Variants in USP21 observed in about 807,000 individuals in gnomAD.
USP21 encodes ubiquitin carboxyl-terminal hydrolase 21.
USP21 carries 37 observed loss-of-function variants against 70.8 expected under a neutral mutation model. The ratio of observed to expected loss-of-function variants is 0.52; its 90% CI spans 0.40 to 0.69. The LOEUF (loss-of-function observed/expected upper bound fraction) is 0.69. Among genes scored for constraint, USP21 ranks in the 30% least tolerant of loss-of-function variants. The pLI is 0.00. For synonymous variants in USP21, 263 were observed against 283.1 expected (o/e 0.93, Z 0.71); for missense variants, 584 against 740.8 (o/e 0.79, Z 2.46).
Position 161,164,372 on chromosome 1 carries a change from T to TG in USP21, c.1305+124dup. On this transcript the variant is annotated intron_variant, in intron 10 of 13. Coordinates refer to ENST00000368002, the MANE Select transcript of USP21 (RefSeq NM_001014443.3). The surrounding 1 kb of genome is among the most constrained non-coding windows in gnomAD (Gnocchi z 4.2). ...AATATTTATGTATCTGGGTTTGTGT[T>TG]GGAGTCTCAGATCTGTTCTAGTACT... 7.5e-7 allele frequency: 1 copy of TG among 1,326,156 alleles called. No individual in the cohort carries two copies. The highest frequency in any genetic ancestry group is 1.2e-5 in the South Asian group (1 of 81,804). The allele number at this position is 1,326,156 out of a possible 1,614,324, so 82.1% of individuals were successfully genotyped here.
intron 8 of USP21, 53 bp from the exon 9 acceptor site, chr1:161,163,825 A>C: frequency 6.6e-7 from 1 of 1,514,012 alleles, no homozygotes; most frequent in Non-Finnish European, 9.2e-7. Flanking sequence ...CCAAGAAATC[A>C]TCTCATAACA....
At chr1:161,165,329 A>G (rs1276714852) in intron 13 of USP21, 28 bp from the exon 14 acceptor site, 2 of 1,603,018 alleles carry the variant, frequency 1.2e-6, no homozygotes, top group Non-Finnish European at 8.5e-7. Flanking sequence ...AATGACCACA[A>G]CCCTTTCCCG....
In USP21 at chr1:161,162,729, G is replaced by A; in HGVS notation, c.893+3G>A. On this transcript the variant is annotated splice_donor_region_variant and intron_variant, in intron 6 of 13. Coordinates refer to ENST00000368002, the MANE Select transcript of USP21 (RefSeq NM_001014443.3). The surrounding 1 kb of genome is among the most constrained non-coding windows in gnomAD (Gnocchi z 4.1). ...GTTCCCTCCTTCTCTGGATACAGGT[G>A]GGAGAGCTGGAGGCTATGGGATTTC... The A allele has an allele frequency of 6.2e-7, 1 of 1,609,382 alleles. No individual in the cohort carries two copies. Among genetic ancestry groups the A allele is most frequent in the Non-Finnish European group, 8.5e-7 (1 of 1,175,680 alleles).
Position 161,162,919 on chromosome 1 carries a change from C to G in USP21, c.894C>G (p.Ser298Arg). The change falls in exon 7 of 14, where the codon AGC (serine) becomes AGG (arginine). Residue 298 changes from serine to arginine, a missense_variant and splice_region_variant. Physicochemically the swap from Ser to Arg is moderately radical, Grantham distance 110 (BLOSUM62 -1). Coordinates refer to ENST00000368002, the MANE Select transcript of USP21 (RefSeq NM_001014443.3). This position sits in a 1 kb window ranked among gnomAD's most constrained non-coding sequence, Gnocchi z 4.1. ...GCCCATACTCTTTGTCTGGCTGTAG[C>G]CAGCAGGATGCCCAAGAGTTCCTGA... Reference protein sequence around the residue: ...QKYVPSFSGYSQQDAQEFLKL... With the variant: ...QKYVPSFSGYRQQDAQEFLKL... 1 of 1,607,828 alleles carries G rather than the reference C, an allele frequency of 6.2e-7. No individual in the cohort carries two copies. The highest frequency in any genetic ancestry group is 1.1e-5 in the South Asian group (1 of 90,578).
rs1490702404 is a variant in USP21 at position 161,159,536 on chromosome 1, C to T, written c.-305C>T. The T allele has an allele frequency of 1.3e-5, 2 of 152,582 alleles. No homozygotes were observed. The highest frequency in any genetic ancestry group is 2.9e-5 in the Non-Finnish European group (2 of 68,396). 9.5% of individuals were successfully genotyped at this position (152,582 alleles called of 1,614,324 possible). A position where few individuals can be genotyped will look rare whatever the true frequency, so the allele number is the denominator to read the frequency against. ...GGGACCAACAAAGATGGCGGCGGCC[C>T]CTGCGGCGGGAGCGATCTGGGCAAC... On this transcript the variant is annotated 5_prime_UTR_variant, in exon 1 of 14. Transcript: ENST00000368002.
chr1:161,162,955 G>A lies in USP21; in HGVS notation c.930G>A (p.Met310Ile), dbSNP rs773767393. The change falls in exon 7 of 14, where the codon ATG becomes ATA. Residue 310 changes from methionine to isoleucine, a missense_variant. Physicochemically the swap from Met to Ile is conservative, Grantham distance 10. Transcript: ENST00000368002. This position sits in a 1 kb window ranked among gnomAD's most constrained non-coding sequence, Gnocchi z 4.1. ...CCCAAGAGTTCCTGAAGCTCCTCATGGAGCGGCTACACCTTGAAATCAACC... is the reference window on the plus strand; with the variant it reads ...CCCAAGAGTTCCTGAAGCTCCTCATAGAGCGGCTACACCTTGAAATCAACC... ...QDAQEFLKLLMERLHLEINRR... is the reference protein window; with the variant it reads ...QDAQEFLKLLIERLHLEINRR... 1 of 1,612,710 alleles carries A rather than the reference G, an allele frequency of 6.2e-7. No homozygotes were observed. Among genetic ancestry groups the A allele is most frequent in the Non-Finnish European group, 8.5e-7 (1 of 1,179,396 alleles).
rs1282831113 is a variant in USP21, at chr1:161,160,855, G to A, written c.215G>A (p.Arg72Gln). ...AAGAAACTGGAGCTGGGACGGGGAC[G>A]GACCTCAGGCCCTCGTCCCAGAGGC... is the stretch of plus-strand genomic sequence containing the variant. Reference protein sequence around the residue: ...RLKKLELGRGRTSGPRPRGPL... With the variant: ...RLKKLELGRGQTSGPRPRGPL... The change falls in exon 3 of 14, where the codon CGG (arginine) becomes CAG (glutamine). Residue 72 changes from arginine (R) to glutamine (Q), a missense_variant. Around this residue, in one of 4 missense-constraint regions of USP21, gnomAD observed 284 missense variants for 281.0 expected, o/e 1.01. Coordinates refer to ENST00000368002, the MANE Select transcript of USP21 (RefSeq NM_001014443.3). 7 of 1,614,210 alleles carry A rather than the reference G, an allele frequency of 4.3e-6. No homozygotes were observed. The highest frequency in any genetic ancestry group is 1.1e-5 in the South Asian group (1 of 91,084).
rs373253684 is a variant in USP21, at chr1:161,165,062, A to G, written c.1526A>G (p.Asn509Ser). The G allele has an allele frequency of 5.6e-6, 9 of 1,613,822 alleles. No individual in the cohort carries two copies. Among genetic ancestry groups the G allele is most frequent in the African/African-American group, 5.3e-5 (4 of 74,818 alleles). ...SPVYQLYALCNHSGSVHYGHY... is the reference protein window; with the variant it reads ...SPVYQLYALCSHSGSVHYGHY... ...GTATACCAGCTGTATGCCCTTTGCA[A>G]CCACTCAGGCAGCGTCCACTATGGC... Residue 509 changes from asparagine to serine, a missense_variant, in exon 13 of 14, where the codon AAC (asparagine) becomes AGC (serine). By Grantham distance (46) the Asn-to-Ser change is conservative. This residue lies in a region of USP21 where 173 missense variants were observed against 268.2 expected (regional missense o/e 0.65). Coordinates refer to ENST00000368002, the MANE Select transcript of USP21 (RefSeq NM_001014443.3).
At chr1:161,163,128 A>C in intron 7 of USP21, 54 bp downstream of exon 7, 1 of 1,522,856 alleles carries the variant, frequency 6.6e-7, no homozygotes, top group Non-Finnish European at 8.9e-7. Flanking sequence ...CATCATTCAC[A>C]CTTCATAGAA....
rs1278647056 is a variant in USP21 at position 161,163,939 on chromosome 1, G to C, written c.1176G>C (p.Thr392=). The change falls in exon 9 of 14, where the codon ACG becomes ACC. Residue 392 remains threonine, a synonymous_variant. Transcript: ENST00000368002. Reference sequence around the variant, plus strand: ...GCCAGGCCTGTGGGTATCGCTCCACGACCTTCGAGGTTTTTTGTGACCTGT... The same window carrying C: ...GCCAGGCCTGTGGGTATCGCTCCACCACCTTCGAGGTTTTTTGTGACCTGT... The part of the protein sequence containing the change: ...LKCQACGYRS[T]TFEVFCDLSL... The C allele has an allele frequency of 6.2e-7, 1 of 1,614,166 alleles. No individual in the cohort carries two copies. The highest frequency in any genetic ancestry group is 1.7e-5 in the Admixed American group (1 of 60,024).
In USP21 at chr1:161,161,938, C is replaced by T; in HGVS notation, c.601-100C>T. On this transcript the variant is annotated intron_variant, in intron 3 of 13. Transcript: ENST00000368002. This position sits in a 1 kb window ranked among gnomAD's most constrained non-coding sequence, Gnocchi z 4.2. ...AATAGGGTAGAGTTTGGGGATGAAA[C>T]ATGCATGGGATGGGGGAGGCAGTGG... 8.6e-7 allele frequency: 1 copy of T among 1,157,576 alleles called. No homozygotes were observed. Among genetic ancestry groups the T allele is most frequent in the Non-Finnish European group, 1.3e-6 (1 of 765,096 alleles). The allele number at this position is 1,157,576 out of a possible 1,614,324, so 71.7% of individuals were successfully genotyped here. A position where few individuals can be genotyped will look rare whatever the true frequency, so the allele number is the denominator to read the frequency against.
At chr1:161,165,216 C>G in intron 13 of USP21, 73 bp downstream of exon 13, 1 of 1,484,018 alleles carries the variant, frequency 6.7e-7, no homozygotes, top group South Asian at 1.1e-5. Context: ...CTATGAAGCT[C>G]CAGGAGAGCA....
chr1:161,165,267 A>T, intron 13 of USP21, 90 bp from the exon 14 acceptor site: 1 of 1,438,542 alleles, frequency 7.0e-7, no homozygotes, highest in Non-Finnish European at 9.8e-7. Context: ...TTGCCTGATC[A>T]TTTCCTGGAT....
rs1571307093 is a variant in USP21, at chr1:161,165,373, G to T, written c.1624G>T (p.Glu542Ter). 1 of 1,614,116 alleles carries T rather than the reference G, an allele frequency of 6.2e-7. No individual in the cohort carries two copies. The highest frequency in any genetic ancestry group is 1.3e-5 in the African/African-American group (1 of 74,998). Residue 542 changes from glutamate to a stop codon, truncating the protein, a stop_gained, in exon 14 of 14, where the codon GAA becomes TAA. Coordinates refer to ENST00000368002, the MANE Select transcript of USP21 (RefSeq NM_001014443.3). LOFTEE classifies it high-confidence loss of function. Reference protein sequence around the residue: ...YNDSRVSPVSENQVASSEGYV... With the variant: ...YNDSRVSPVS ...TTTTCCTAGTGTCTCCCCTGTCAGTGAAAACCAGGTGGCATCCAGCGAGGG... is the reference window on the plus strand; with the variant it reads ...TTTTCCTAGTGTCTCCCCTGTCAGTTAAAACCAGGTGGCATCCAGCGAGGG...
chr1:161,161,431 C>CT lies in USP21; in HGVS notation c.600+193dup, dbSNP rs1422414458. 58 of 660,990 alleles carry CT rather than the reference C, an allele frequency of 8.8e-5. No homozygotes were observed. Among genetic ancestry groups the CT allele is most frequent in the Admixed American group, 9.8e-5 (3 of 30,762 alleles). The allele number at this position is 660,990 out of a possible 1,614,324, so 40.9% of individuals were successfully genotyped here. ...ACCCTTTTTTGGGTTGTTGGTGACT[C>CT]TTCAGCATGGTGTGCCATTTCGGTC... On this transcript the variant is annotated intron_variant, in intron 3 of 13. Transcript: ENST00000368002. This position sits in a 1 kb window ranked among gnomAD's most constrained non-coding sequence, Gnocchi z 4.2.
In USP21 at chr1:161,161,928, G is replaced by T; in HGVS notation, c.601-110G>T. 9.5e-7 allele frequency: 1 copy of T among 1,053,034 alleles called. No individual in the cohort carries two copies. Among genetic ancestry groups the T allele is most frequent in the South Asian group, 1.3e-5 (1 of 78,602 alleles). The allele number at this position is 1,053,034 out of a possible 1,614,324, so 65.2% of individuals were successfully genotyped here. Reference sequence around the variant, plus strand: ...TAGTGAGGGGAATAGGGTAGAGTTTGGGGATGAAACATGCATGGGATGGGG... The same window carrying T: ...TAGTGAGGGGAATAGGGTAGAGTTTTGGGATGAAACATGCATGGGATGGGG... On this transcript the variant is annotated intron_variant, in intron 3 of 13. Coordinates refer to ENST00000368002, the MANE Select transcript of USP21 (RefSeq NM_001014443.3). This position sits in a 1 kb window ranked among gnomAD's most constrained non-coding sequence, Gnocchi z 4.2.
At position 161,165,063 on chromosome 1, in the gene USP21, C is replaced by T. The variant is rs1029807161; in HGVS notation, c.1527C>T (p.Asn509=). The T allele has an allele frequency of 6.2e-7, 1 of 1,614,082 alleles. No homozygotes were observed. Among genetic ancestry groups the T allele is most frequent in the Non-Finnish European group, 8.5e-7 (1 of 1,180,024 alleles). The change falls in exon 13 of 14, where the codon AAC becomes AAT. Residue 509 remains asparagine (N), a synonymous_variant. Transcript: ENST00000368002. ...TATACCAGCTGTATGCCCTTTGCAA[C>T]CACTCAGGCAGCGTCCACTATGGCC... ...SPVYQLYALC[N]HSGSVHYGHY... is the part of the protein sequence containing the mutation.
rs187551777 is a variant in USP21 at position 161,161,780 on chromosome 1, G to A, written c.601-258G>A. 25 of 530,672 alleles carry A rather than the reference G, an allele frequency of 4.7e-5. No homozygotes were observed. The highest frequency in any genetic ancestry group is 3.0e-4 in the African/African-American group (16 of 52,588). 32.9% of individuals were successfully genotyped at this position (530,672 alleles called of 1,614,324 possible). The stretch of plus-strand genomic sequence containing the variant: ...GGGGAGTTGCCCCAGGAGCTGCAAC[G>A]TCAGCTAGCTGAGCAGAGGAGTAAG... On this transcript the variant is annotated intron_variant, in intron 3 of 13. Coordinates refer to ENST00000368002, the MANE Select transcript of USP21 (RefSeq NM_001014443.3). This position sits in a 1 kb window ranked among gnomAD's most constrained non-coding sequence, Gnocchi z 4.2.
rs149985789 is a variant in USP21 at position 161,160,671 on chromosome 1, C to G, written c.31C>G (p.Arg11Gly). The G allele has an allele frequency of 6.2e-7, 1 of 1,614,056 alleles. No individual in the cohort carries two copies. The highest frequency in any genetic ancestry group is 2.2e-5 in the East Asian group (1 of 44,876). MPQASEHRLG[R>G]TREPPVNIQP... Reference sequence around the variant, plus strand: ...CCAGGCCTCTGAGCACCGCCTGGGCCGTACCCGAGAGCCACCTGTTAATAT... The same window carrying G: ...CCAGGCCTCTGAGCACCGCCTGGGCGGTACCCGAGAGCCACCTGTTAATAT... The change falls in exon 3 of 14, where the codon CGT (arginine) becomes GGT (glycine). Residue 11 changes from arginine to glycine, a missense_variant. Arg to Gly is a moderately radical substitution (Grantham distance 125, BLOSUM62 -2). Around this residue, in one of 4 missense-constraint regions of USP21, gnomAD observed 284 missense variants for 281.0 expected, o/e 1.01. Transcript: ENST00000368002.
Sources: allele counts gnomAD v4.1 joint callset, GRCh38; gene constraint gnomAD v4.1.1; regional missense constraint gnomAD v4.1.1; non-coding constraint Gnocchi (gnomAD v3.1); transcripts MANE v1.5; gene names NCBI Gene and HGNC (gene_info 2026-07-23, HGNC 2026-07-21).